Variants in TSPAN5 observed in about 807,000 individuals in gnomAD.
TSPAN5 encodes tetraspanin 5.
A neutral mutation model predicts 37.1 loss-of-function variants in TSPAN5; 10 were observed. The ratio of observed to expected loss-of-function variants is 0.27; its 90% CI spans 0.17 to 0.46. TSPAN5 has a LOEUF of 0.46. TSPAN5 is among the 20% of genes least tolerant of loss of function. The pLI is 1.00. For missense variants in TSPAN5, 195 were observed against 326.6 expected, an observed-to-expected ratio of 0.60 and a Z score of 3.11; for synonymous variants, 110 against 118.9, an observed-to-expected ratio of 0.93 and a Z score of 0.48.
At chr4:98,529,196 A>G (rs1754026242) in intron 1 of TSPAN5, among the ~76,000 whole-genome samples, 2 of 152,266 alleles carry the variant, frequency 1.3e-5, no homozygotes, top group Admixed American at 6.5e-5. Flanking sequence ...TTCATTTATA[A>G]TGTGGTTGAC....
intron 1 of TSPAN5, among the ~76,000 whole-genome samples, chr4:98,645,141 G>T (rs79411888): frequency 0.036 from 5,506 of 152,090 alleles, 270 homozygotes; most frequent in East Asian, 0.24. Flanking sequence ...TCATCCTCTG[G>T]TCTAGTTAAG....
At chr4:98,562,612 GA>G (rs745437594) in intron 1 of TSPAN5, among the ~76,000 whole-genome samples, 2 of 152,118 alleles carry the variant, frequency 1.3e-5, no homozygotes, top group Admixed American at 1.3e-4. Context: ...AGAGAGCCGA[GA>G]TCGCGCCACT....
At position 98,648,617 on chromosome 4, in the gene TSPAN5, C is replaced by T. The variant is rs187248571; in HGVS notation, c.81+9529G>A. Among the ~76,000 whole-genome samples the T allele has an allele frequency of 2.4e-4, 36 of 152,272 alleles. No homozygotes were observed. The East Asian group carries it at 3.3e-3, about 14-fold the overall frequency. On this transcript the variant is annotated intron_variant, in intron 1 of 7. Transcript: ENST00000305798. ...GCTTTCAGGTTTAAAAATAAACTGG[C>T]GTTTTTGGATTAATAAAAAATTCCA...
intron 1 of TSPAN5, among the ~76,000 whole-genome samples, chr4:98,532,394 G>C (rs929193552): frequency 6.6e-6 from 1 of 152,178 alleles, no homozygotes; most frequent in African/African-American, 2.4e-5. Flanking sequence ...TCTCCTTGAA[G>C]AGGTCCTTCA....
intron 1 of TSPAN5, among the ~76,000 whole-genome samples, chr4:98,564,201 A>G (rs760969453): frequency 2.0e-5 from 3 of 152,238 alleles, no homozygotes; most frequent in Non-Finnish European, 4.4e-5. Flanking sequence ...AATAACAGGC[A>G]TTAGAAACCT....
intron 1 of TSPAN5, among the ~76,000 whole-genome samples, chr4:98,568,981 G>A (rs1316637836): frequency 6.6e-6 from 1 of 152,222 alleles, no homozygotes; most frequent in Non-Finnish European, 1.5e-5. Flanking sequence ...AGGACCCACT[G>A]GCAAAGTCAG....
chr4:98,623,014 C>CA (rs1756517809), intron 1 of TSPAN5, among the ~76,000 whole-genome samples: 1 of 151,922 alleles, frequency 6.6e-6, no homozygotes, highest in Admixed American at 6.6e-5. Context: ...GACATTTTAA[C>CA]AAAAAAGGAT....
chr4:98,566,392 T>G (rs949629411), intron 1 of TSPAN5, among the ~76,000 whole-genome samples: 6 of 151,618 alleles, frequency 4.0e-5, no homozygotes, highest in African/African-American at 1.5e-4. Flanking sequence ...CCTAAACAAG[T>G]CTCACAGGAA....
intron 1 of TSPAN5, among the ~76,000 whole-genome samples, chr4:98,602,176 C>T (rs892304473): frequency 2.0e-5 from 3 of 151,992 alleles, no homozygotes; most frequent in South Asian, 2.1e-4. Context: ...TGAGCACATG[C>T]GATTGGAAAA....
chr4:98,476,337 CAGAT>C, intron 6 of TSPAN5, 32 bp from the exon 7 acceptor site: 2 of 1,613,094 alleles, frequency 1.2e-6, no homozygotes, highest in Non-Finnish European at 1.7e-6. Context: ...CACATTGTCA[CAGAT>C]AGAGCACCAG....
intron 2 of TSPAN5, among the ~76,000 whole-genome samples, chr4:98,495,296 G>A (rs1753176030): frequency 1.3e-5 from 2 of 152,162 alleles, no homozygotes; most frequent in South Asian, 2.1e-4. Context: ...CTGGGAGGCC[G>A]AGGCGGGTGG....
At chr4:98,477,409 C>T (rs1276231624) in intron 5 of TSPAN5, among the ~76,000 whole-genome samples, 1 of 152,186 alleles carries the variant, frequency 6.6e-6, no homozygotes, top group African/African-American at 2.4e-5. Context: ...GGAAGTTCTG[C>T]TTTTCCACTC....
intron 2 of TSPAN5, among the ~76,000 whole-genome samples, chr4:98,502,102 A>G (rs1046357652): frequency 8.5e-5 from 13 of 152,346 alleles, no homozygotes; most frequent in Admixed American, 8.5e-4. Context: ...GGAATGAGCA[A>G]GTAGAAGAGT....
intron 1 of TSPAN5, among the ~76,000 whole-genome samples, chr4:98,519,630 CT>C (rs1319345836): frequency 6.6e-6 from 1 of 152,166 alleles, no homozygotes; most frequent in African/African-American, 2.4e-5. Flanking sequence ...ACTTGGCAGG[CT>C]TTTGGTGTCA....
intron 3 of TSPAN5, chr4:98,483,382 C>G (rs1480030720): frequency 6.6e-6 from 1 of 152,214 alleles, no homozygotes; most frequent in East Asian, 1.9e-4. Flanking sequence ...ATTAAAAGAA[C>G]AAAAGACAAA....
chr4:98,485,548 C>T (rs1752941303), intron 3 of TSPAN5: 2 of 152,080 alleles, frequency 1.3e-5, no homozygotes, highest in Admixed American at 1.3e-4. Context: ...CCTCGGTTCT[C>T]CTTGTTAGAA....
intron 1 of TSPAN5, among the ~76,000 whole-genome samples, chr4:98,643,306 C>T (rs1756996355): frequency 6.6e-6 from 1 of 152,102 alleles, no homozygotes; most frequent in Non-Finnish European, 1.5e-5. Flanking sequence ...TAGTAGGCTA[C>T]ACACCGTCTA....
chr4:98,656,218 T>C (rs997689493), intron 1 of TSPAN5, among the ~76,000 whole-genome samples: 10 of 152,096 alleles, frequency 6.6e-5, no homozygotes, highest in African/African-American at 1.9e-4. Context: ...AGGGCTAAAT[T>C]TGTCTCTATG....
chr4:98,566,632 G>A (rs956775951), intron 1 of TSPAN5, among the ~76,000 whole-genome samples: 1 of 152,168 alleles, frequency 6.6e-6, no homozygotes, highest in African/African-American at 2.4e-5. Context: ...CACCACAAGC[G>A]GCAGGCTTGT....
Sources: gnomAD v4.1 joint callset for allele counts (sites outside exome capture counted in the v4.1 genomes callset) on GRCh38, gnomAD v4.1.1 for gene constraint, MANE v1.5 for transcripts, NCBI Gene and HGNC (gene_info 2026-07-23, HGNC 2026-07-21) for gene names.